SH3BP4: variants seen among roughly 807,000 people sequenced by gnomAD.
The protein encoded by SH3BP4 is SH3 domain binding protein 4, also known as SH3 domain-binding protein 4.
Under a neutral mutation model 65.5 loss-of-function variants are expected in SH3BP4, and 33 were observed. That is an observed-to-expected ratio of 0.50 (90% CI 0.38 to 0.67). The LOEUF (loss-of-function observed/expected upper bound fraction) is 0.67, where lower values mean the gene tolerates loss of function less well. SH3BP4 is among the 30% of genes least tolerant of loss of function. The pLI is 0.00. For missense variants in SH3BP4, 1,134 were observed against 1,261.4 expected (o/e 0.90, Z 1.53); for synonymous variants, 552 against 545.5 (o/e 1.01, Z -0.17).
chr2:234,965,300 A>G (rs1011833557), intron 1 of SH3BP4, among the ~76,000 whole-genome samples: 20 of 152,190 alleles, frequency 1.3e-4, no homozygotes, highest in Admixed American at 1.0e-3. Context: ...GTTCCCCCTC[A>G]GGGAAGGTCA....
intron 3 of SH3BP4, among the ~76,000 whole-genome samples, chr2:235,036,989 C>T (rs1389695116): frequency 6.6e-6 from 1 of 152,022 alleles, no homozygotes; most frequent in Non-Finnish European, 1.5e-5. Context: ...GTTTGCTAGC[C>T]AGAAGCTTCA....
chr2:235,006,636 A>T (rs1029000963), intron 2 of SH3BP4, among the ~76,000 whole-genome samples: 1 of 152,070 alleles, frequency 6.6e-6, no homozygotes, highest in Non-Finnish European at 1.5e-5. Context: ...GCCAGGGGCC[A>T]CCCAGCCTAG....
Position 235,026,726 on chromosome 2 carries a change from T to C in SH3BP4, c.-132-8145T>C, listed in dbSNP as rs1695012528. On this transcript the variant is annotated intron_variant, in intron 2 of 5. Coordinates refer to ENST00000392011, the MANE Select transcript of SH3BP4 (RefSeq NM_014521.3). This position sits in a 1 kb window ranked among gnomAD's most constrained non-coding sequence, Gnocchi z 4.6. ...CGTGTGGTCCTGCCCTCGTTCCTCA[T>C]TTTTTCACCCTGTGGCGTGGTCTTG... Among the ~76,000 whole-genome samples the C allele has an allele frequency of 6.6e-6, 1 of 152,154 alleles. No individual in the cohort carries two copies. Among genetic ancestry groups the C allele is most frequent in the Non-Finnish European group, 1.5e-5 (1 of 68,032 alleles).
At chr2:235,014,147 A>G (rs6743498) in intron 2 of SH3BP4, among the ~76,000 whole-genome samples, 46,952 of 152,016 alleles carry the variant, frequency 0.31, 11,502 homozygotes, top group African/African-American at 0.67. Context: ...GCAGGATTTT[A>G]TAAATTGCAC....
intron 2 of SH3BP4, among the ~76,000 whole-genome samples, chr2:235,019,656 G>A (rs966925070): frequency 4.6e-5 from 7 of 151,584 alleles, no homozygotes; most frequent in Non-Finnish European, 8.8e-5. Flanking sequence ...GTCTGGTCTC[G>A]AACTCCTGAC....
At chr2:235,040,479 C>T (rs1333568069) in intron 3 of SH3BP4, among the ~76,000 whole-genome samples, 1 of 151,480 alleles carries the variant, frequency 6.6e-6, no homozygotes. Context: ...GGTCACCTAA[C>T]TCACCGTGTC....
chr2:235,017,052 T>TC (rs1694707194), intron 2 of SH3BP4, among the ~76,000 whole-genome samples: 2 of 149,184 alleles, frequency 1.3e-5, no homozygotes, highest in African/African-American at 4.9e-5. Flanking sequence ...TTTCTTTTTT[T>TC]TTTTTTTTTT....
chr2:234,963,965 G>A (rs1692777041), intron 1 of SH3BP4, among the ~76,000 whole-genome samples: 1 of 152,166 alleles, frequency 6.6e-6, no homozygotes, highest in African/African-American at 2.4e-5. Flanking sequence ...ACTGCGGTCT[G>A]GTGTCGCAAG....
chr2:234,977,662 C>CA lies in SH3BP4; in HGVS notation c.-206-17638dup, dbSNP rs1693208805. ...AAACAGGATGAGAGTGTCTCTCCCCCAAAGAGGGCTGGTTCAAGTATGAAT... is the reference window on the plus strand; with the variant it reads ...AAACAGGATGAGAGTGTCTCTCCCCCAAAAGAGGGCTGGTTCAAGTATGAAT... On this transcript the variant is annotated intron_variant, in intron 1 of 5. Transcript: ENST00000392011. The surrounding 1 kb of genome is among the most constrained non-coding windows in gnomAD (Gnocchi z 5.1). Among the ~76,000 whole-genome samples the CA allele has an allele frequency of 6.6e-6, 1 of 152,100 alleles. No individual in the cohort carries two copies. The highest frequency in any genetic ancestry group is 2.4e-5 in the African/African-American group (1 of 41,426).
intron 4 of SH3BP4, among the ~76,000 whole-genome samples, chr2:235,047,855 G>A (rs1248104188): frequency 6.6e-6 from 1 of 152,116 alleles, no homozygotes; most frequent in Non-Finnish European, 1.5e-5. Flanking sequence ...TAGGCGTGTC[G>A]GGCTCTGTAG....
At chr2:235,014,499 T>C (rs1458385353) in intron 2 of SH3BP4, among the ~76,000 whole-genome samples, 1 of 152,162 alleles carries the variant, frequency 6.6e-6, no homozygotes, top group South Asian at 2.1e-4. Context: ...GGGGCCACCA[T>C]AACAAAGCAC....
chr2:235,032,034 CGGTGGCCGA>C (rs1026646248), intron 2 of SH3BP4, among the ~76,000 whole-genome samples: 3 of 152,114 alleles, frequency 2.0e-5, no homozygotes, highest in Non-Finnish European at 4.4e-5. Flanking sequence ...TGAGGCGGCG[CGGTGGCCGA>C]GGTGGCCGAG....
At chr2:235,038,332 A>T (rs1156962208) in intron 3 of SH3BP4, among the ~76,000 whole-genome samples, 34 of 2,418 alleles carry the variant, frequency 0.014, no homozygotes, top group African/African-American at 0.04. Context: ...TATATATATT[A>T]TATATAGTAT....
intron 1 of SH3BP4, among the ~76,000 whole-genome samples, chr2:234,970,063 ACACACTCACACT>A (rs1692948974): frequency 1.5e-5 from 2 of 136,394 alleles, no homozygotes; most frequent in Non-Finnish European, 3.2e-5. Context: ...ACACTCATAC[ACACACTCACACT>A]GTCACTCACA....
intron 1 of SH3BP4, among the ~76,000 whole-genome samples, chr2:234,954,759 C>CTGG (rs1386557617): frequency 6.6e-6 from 1 of 152,170 alleles, no homozygotes; most frequent in Non-Finnish European, 1.5e-5. Context: ...GTTTTAAATC[C>CTGG]TGGGATCCTG....
intron 1 of SH3BP4, among the ~76,000 whole-genome samples, chr2:234,954,389 T>A (rs553327407): frequency 6.6e-6 from 1 of 152,302 alleles, no homozygotes; most frequent in South Asian, 2.1e-4. Context: ...TAGTTTCATT[T>A]TTTAAATTGT....
intron 1 of SH3BP4, among the ~76,000 whole-genome samples, chr2:234,992,357 A>G (rs1316163886): frequency 6.6e-6 from 1 of 152,296 alleles, no homozygotes; most frequent in East Asian, 1.9e-4. Flanking sequence ...GCGGCTCTCC[A>G]GGCAGCTCCA....
chr2:235,053,757 C>G lies in SH3BP4; in HGVS notation c.2833C>G (p.Leu945Val). ...LTGTLILVNS[L>V]DVLRAAAFSP... The stretch of plus-strand genomic sequence containing the variant: ...TGGGACTCTGATCTTGGTGAACTCC[C>G]TGGACGTTCTGAGAGCAGCCGCCTT... The change falls in exon 6 of 6, where the codon CTG becomes GTG. Residue 945 changes from leucine to valine, a missense_variant. Leu to Val is a conservative substitution (Grantham distance 32). Coordinates refer to ENST00000392011, the MANE Select transcript of SH3BP4 (RefSeq NM_014521.3). 1 of 1,614,238 alleles carries G rather than the reference C, an allele frequency of 6.2e-7. No homozygotes were observed. Among genetic ancestry groups the G allele is most frequent in the Non-Finnish European group, 8.5e-7 (1 of 1,180,050 alleles).
At chr2:234,986,749 G>A (rs554310131) in intron 1 of SH3BP4, among the ~76,000 whole-genome samples, 11 of 152,120 alleles carry the variant, frequency 7.2e-5, no homozygotes, top group South Asian at 2.1e-4. Context: ...TGTGAAAAGC[G>A]ACCGAGAGGC....
Sources: gnomAD v4.1 joint callset for allele counts (sites outside exome capture counted in the v4.1 genomes callset) on GRCh38, gnomAD v4.1.1 for gene constraint, Gnocchi (gnomAD v3.1) non-coding constraint, MANE v1.5 for transcripts, NCBI Gene and HGNC (gene_info 2026-07-23, HGNC 2026-07-21) for gene names.